The following CCDC181 variants were observed in gnomAD, a reference collection of about 807,000 sequenced individuals.
CCDC181 encodes the protein coiled-coil domain-containing protein 181.
In CCDC181, 35 loss-of-function variants were observed where a neutral mutation model predicts 58.7. That is an observed-to-expected ratio of 0.60 (90% CI 0.46 to 0.79). The LOEUF is 0.79. Ranked by LOEUF, CCDC181 falls within the 30% of genes least tolerant of loss-of-function variation. The pLI, the probability that CCDC181 is intolerant of heterozygous loss-of-function variation, is 0.00. For missense variants in CCDC181, 517 were observed against 583.9 expected (o/e 0.89, Z 1.18); for synonymous variants, 183 against 197.5 (o/e 0.93, Z 0.62).
At chr1:169,425,011 G>A in intron 1 of CCDC181, 61 bp from the exon 2 acceptor site, 1 of 683,598 alleles carries the variant, frequency 1.5e-6, no homozygotes, top group South Asian at 2.1e-5. Flanking sequence ...AATGGAGTAT[G>A]GAGATTAATG....
rs1571494615 is a variant in CCDC181 at position 169,422,398 on chromosome 1, A to G, written c.118-85T>C. 7.2e-6 allele frequency: 7 copies of G among 967,784 alleles called. No homozygotes were observed. The East Asian group carries it at 1.8e-4, about 25-fold the overall frequency. 59.9% of individuals were successfully genotyped at this position (967,784 alleles called of 1,614,324 possible). A position where few individuals can be genotyped will look rare whatever the true frequency, so the allele number is the denominator to read the frequency against. The stretch of plus-strand genomic sequence containing the variant: ...AAATGGGATTTTTCCTGTTCATGTA[A>G]TTTATTTTATGAATGGGAAAATTTA... On this transcript the variant is annotated intron_variant, in intron 2 of 5. Coordinates refer to ENST00000367806, the MANE Select transcript of CCDC181 (RefSeq NM_001300969.2).
chr1:169,443,570 A>ATATC (rs1337072740), intron 2 of CCDC181, among the ~76,000 whole-genome samples: 2 of 152,156 alleles, frequency 1.3e-5, no homozygotes, highest in African/African-American at 4.8e-5. Context: ...CTCCTTGAAA[A>ATATC]TATCTACCCA....
rs200205840 is a variant in CCDC181 at position 169,402,982 on chromosome 1, C to CA, written c.1216-5592dup. ...ATCTACCAAGCAAATGGAAAACAAACAAAAAAAAAAAAAAGCAGGGGTTGC... is the reference window on the plus strand; with the variant it reads ...ATCTACCAAGCAAATGGAAAACAAACAAAAAAAAAAAAAAAGCAGGGGTTGC... On this transcript the variant is annotated intron_variant, in intron 4 of 5. Transcript: ENST00000367806. Among the ~76,000 whole-genome samples the CA allele has an allele frequency of 6.0e-3, 732 of 122,776 alleles. 3 individuals carry two copies. Among genetic ancestry groups the CA allele is most frequent in the South Asian group, 0.023 (86 of 3,704 alleles). The allele number at this position is 122,776 out of a possible 152,430, so 80.5% of individuals were successfully genotyped here.
At chr1:169,411,134 C>T (rs979943011) in intron 4 of CCDC181, among the ~76,000 whole-genome samples, 14 of 151,888 alleles carry the variant, frequency 9.2e-5, no homozygotes, top group Admixed American at 5.9e-4. Context: ...ATACATAGAC[C>T]GCTATCCAGA....
chr1:169,453,560 A>G (rs1472792329), intron 2 of CCDC181, among the ~76,000 whole-genome samples: 2 of 151,990 alleles, frequency 1.3e-5, no homozygotes, highest in Non-Finnish European at 2.9e-5. Flanking sequence ...TCTGCTTCAT[A>G]ATACAGCAAG....
intron 4 of CCDC181, among the ~76,000 whole-genome samples, chr1:169,404,183 C>CA (rs1557860758): frequency 6.6e-6 from 1 of 151,896 alleles, no homozygotes; most frequent in South Asian, 2.1e-4. Context: ...GCCTACCAAC[C>CA]AAAAAAAGTC....
At chr1:169,420,796 G>A (rs1423168375) in intron 3 of CCDC181, among the ~76,000 whole-genome samples, 1 of 151,730 alleles carries the variant, frequency 6.6e-6, no homozygotes, top group Non-Finnish European at 1.5e-5. Flanking sequence ...TTTCACATAA[G>A]AACAAATATG....
At chr1:169,435,461 T>C (rs1403886578) in intron 2 of CCDC181, among the ~76,000 whole-genome samples, 1 of 152,164 alleles carries the variant, frequency 6.6e-6, no homozygotes, top group Admixed American at 6.5e-5. Flanking sequence ...ACTGTGGAGT[T>C]GAACATGTAA....
intron 2 of CCDC181, among the ~76,000 whole-genome samples, chr1:169,444,058 G>A (rs899337024): frequency 5.9e-5 from 9 of 152,154 alleles, no homozygotes; most frequent in Admixed American, 1.3e-4. Flanking sequence ...ACATTGATGT[G>A]AATGGTAAAT....
chr1:169,445,824 T>G (rs533373562), intron 2 of CCDC181, among the ~76,000 whole-genome samples: 13 of 152,276 alleles, frequency 8.5e-5, no homozygotes, highest in Admixed American at 4.6e-4. Context: ...GATATAGGTC[T>G]ATTCAGATTG....
upstream of CCDC181, among the ~76,000 whole-genome samples, chr1:169,429,832 GT>G (rs1020281943): frequency 5.9e-5 from 9 of 152,122 alleles, no homozygotes; most frequent in Non-Finnish European, 1.2e-4. Flanking sequence ...ACTTACCTTT[GT>G]TTTTGTTGCG....
chr1:169,420,661 T>G (rs932546271), intron 3 of CCDC181, among the ~76,000 whole-genome samples: 3 of 152,174 alleles, frequency 2.0e-5, no homozygotes, highest in African/African-American at 7.2e-5. Flanking sequence ...ATTAGACATT[T>G]TGTATGGCTC....
At chr1:169,429,436 C>G (rs1331480156), upstream of CCDC181, among the ~76,000 whole-genome samples, 1 of 152,108 alleles carries the variant, frequency 6.6e-6, no homozygotes, top group Non-Finnish European at 1.5e-5. Context: ...AAAAGTGTTC[C>G]CTGTTCACCA....
chr1:169,395,199 T>G lies in CCDC181; in HGVS notation c.1378A>C (p.Arg460=). 1.2e-6 allele frequency: 2 copies of G among 1,610,864 alleles called. No individual in the cohort carries two copies. The highest frequency in any genetic ancestry group is 8.5e-7 in the Non-Finnish European group (1 of 1,178,860). Residue 460 remains arginine (R), a synonymous_variant, in exon 6 of 6, where the codon AGA becomes CGA. Transcript: ENST00000367806. The part of the protein sequence containing the change: ...GRERAFKQWL[R]RKRMEKMAEQ... The stretch of plus-strand genomic sequence containing the variant: ...GCCATTTTTTCCATCCGTTTCCTTC[T>G]TAACCATCTGTAGAAACAGGCATGA...
intron 2 of CCDC181, among the ~76,000 whole-genome samples, chr1:169,445,227 G>C (rs564029702): frequency 3.9e-5 from 6 of 152,228 alleles, no homozygotes; most frequent in African/African-American, 1.4e-4. Context: ...TCTTAGGGGG[G>C]ACAAAATGCC....
At chr1:169,400,766 A>G (rs1274113832) in intron 4 of CCDC181, among the ~76,000 whole-genome samples, 1 of 152,176 alleles carries the variant, frequency 6.6e-6, no homozygotes, top group Non-Finnish European at 1.5e-5. Context: ...AAGACGGGTG[A>G]TTTCTGCATT....
chr1:169,433,991 A>G (rs1159794187), intron 2 of CCDC181, among the ~76,000 whole-genome samples: 1 of 152,072 alleles, frequency 6.6e-6, no homozygotes, highest in East Asian at 1.9e-4. Flanking sequence ...ATGAAAAGGC[A>G]ACCTATGAAA....
intron 2 of CCDC181, among the ~76,000 whole-genome samples, chr1:169,440,732 C>T (rs931505372): frequency 6.6e-6 from 1 of 152,022 alleles, no homozygotes. Context: ...GCTTGGCCAA[C>T]ATGGCAAAAC....
chr1:169,421,236 A>C, intron 3 of CCDC181, 127 bp downstream of exon 3: 1 of 696,794 alleles, frequency 1.4e-6, no homozygotes, highest in East Asian at 2.7e-5. Context: ...TAATCAATCT[A>C]ACAATAGATA....
Sources: allele counts gnomAD v4.1 joint callset (sites outside exome capture counted in the v4.1 genomes callset), GRCh38; gene constraint gnomAD v4.1.1; transcripts MANE v1.5; gene names NCBI Gene and HGNC (gene_info 2026-07-23, HGNC 2026-07-21).